MAST4: variants seen among roughly 807,000 people sequenced by gnomAD.
The protein encoded by MAST4 is microtubule associated serine/threonine kinase family member 4, also known as microtubule-associated serine/threonine-protein kinase 4.
Under a neutral mutation model 162.7 loss-of-function variants are expected in MAST4, and 89 were observed. The observed-to-expected ratio is 0.55, with a 90% CI of 0.46 to 0.65. The LOEUF (loss-of-function observed/expected upper bound fraction) is 0.65. Among genes scored for constraint, MAST4 ranks in the 30% least tolerant of loss-of-function variants. MAST4 has a pLI of 0.00. For synonymous variants in MAST4, 1,479 were observed against 1,361.1 expected (o/e 1.09, Z -1.91); for missense variants, 3,153 against 3,374.0 (o/e 0.93, Z 1.62).
At chr5:66,846,736 G>C (rs985233140) in intron 3 of MAST4, among the ~76,000 whole-genome samples, 1 of 152,160 alleles carries the variant, frequency 6.6e-6, no homozygotes, top group Non-Finnish European at 1.5e-5. Context: ...GCCAGAAAAA[G>C]GAGATTTAAA....
At position 66,747,878 on chromosome 5, in the gene MAST4, C is replaced by T. The variant is rs117989574; in HGVS notation, c.364-11831C>T. Among the ~76,000 whole-genome samples, 86 of 152,290 alleles carry T rather than the reference C, an allele frequency of 5.6e-4. No individual in the cohort carries two copies. The East Asian group carries it at 0.014, about 25-fold the overall frequency. Reference sequence around the variant, plus strand: ...CCAAAAATGGGTTCAGATACTGCCCCATGTCTTCTGAAGGGTGAGGGGGTG... The same window carrying T: ...CCAAAAATGGGTTCAGATACTGCCCTATGTCTTCTGAAGGGTGAGGGGGTG... On this transcript the variant is annotated intron_variant, in intron 1 of 28. Transcript: ENST00000403625.
chr5:66,871,906 A>C (rs899713100), intron 3 of MAST4, among the ~76,000 whole-genome samples: 1 of 152,124 alleles, frequency 6.6e-6, no homozygotes, highest in Non-Finnish European at 1.5e-5. Flanking sequence ...AAGGGTGGAA[A>C]ATTTTGCCAA....
chr5:66,734,776 C>T (rs1305333127), intron 1 of MAST4, among the ~76,000 whole-genome samples: 1 of 152,152 alleles, frequency 6.6e-6, no homozygotes, highest in Non-Finnish European at 1.5e-5. Context: ...TGGTTGGTGG[C>T]CACTGTATTG....
intron 5 of MAST4, among the ~76,000 whole-genome samples, chr5:67,066,812 G>T (rs1262065731): frequency 6.6e-6 from 1 of 152,110 alleles, no homozygotes; most frequent in East Asian, 1.9e-4. Context: ...TCCTTACTTA[G>T]ATTTTTGAGG....
intron 2 of MAST4, among the ~76,000 whole-genome samples, chr5:66,782,281 C>T (rs1287453062): frequency 7.2e-6 from 1 of 138,646 alleles, no homozygotes; most frequent in African/African-American, 2.6e-5. Flanking sequence ...AAGAGCGAGA[C>T]TTCGTCTCAA....
At chr5:67,085,319 C>T (rs1345456587) in intron 5 of MAST4, among the ~76,000 whole-genome samples, 1 of 152,164 alleles carries the variant, frequency 6.6e-6, no homozygotes, top group Admixed American at 6.5e-5. Flanking sequence ...TCTCTCTTAC[C>T]TTGTCTGTGC....
At chr5:66,981,706 G>C (rs1057241827) in intron 4 of MAST4, among the ~76,000 whole-genome samples, 7 of 152,128 alleles carry the variant, frequency 4.6e-5, no homozygotes, top group African/African-American at 1.7e-4. Flanking sequence ...GCAGACTAGG[G>C]CCAAGCTTAT....
chr5:66,825,644 G>A (rs1031707401), intron 3 of MAST4, among the ~76,000 whole-genome samples: 1 of 151,982 alleles, frequency 6.6e-6, no homozygotes, highest in African/African-American at 2.4e-5. Flanking sequence ...CCATTTAATT[G>A]CAATAATTCT....
intron 1 of MAST4, chr5:66,623,177 T>C (rs1276045663): frequency 1.3e-5 from 2 of 152,296 alleles, no homozygotes; most frequent in Admixed American, 1.3e-4. Flanking sequence ...TGGGCTGACA[T>C]CTGTAGCTAC....
intron 1 of MAST4, among the ~76,000 whole-genome samples, chr5:66,757,186 C>T (rs1199047908): frequency 6.6e-6 from 1 of 152,028 alleles, no homozygotes; most frequent in African/African-American, 2.4e-5. Flanking sequence ...ATTCTACAAG[C>T]TGAAAAAATT....
intron 11 of MAST4, among the ~76,000 whole-genome samples, chr5:67,113,262 C>T (rs987648903): frequency 2.9e-5 from 4 of 135,686 alleles, no homozygotes; most frequent in Middle Eastern, 4.1e-3. Context: ...TGCAGTGAGC[C>T]GAGATCGCAC....
chr5:66,916,032 C>A (rs37566), intron 4 of MAST4, among the ~76,000 whole-genome samples: 2 of 151,960 alleles, frequency 1.3e-5, no homozygotes, highest in Admixed American at 6.5e-5. Flanking sequence ...TCTTGCAATG[C>A]GGCTAGGCCA....
chr5:67,115,788 T>C (rs1207508997), intron 12 of MAST4, among the ~76,000 whole-genome samples: 1 of 152,236 alleles, frequency 6.6e-6, no homozygotes, highest in Non-Finnish European at 1.5e-5. Context: ...TCCATTCCAT[T>C]ACTACCCACT....
intron 3 of MAST4, among the ~76,000 whole-genome samples, chr5:66,875,543 G>T (rs1761236183): frequency 1.3e-5 from 2 of 152,172 alleles, no homozygotes; most frequent in African/African-American, 4.8e-5. Context: ...TTATTTTGAA[G>T]ATTAAATGAG....
chr5:67,003,418 A>T (rs1751513610), intron 4 of MAST4, among the ~76,000 whole-genome samples: 1 of 152,164 alleles, frequency 6.6e-6, no homozygotes, highest in Admixed American at 6.5e-5. Flanking sequence ...TAGATAAAGA[A>T]GATCCCACAG....
chr5:67,149,172 G>A (rs1283656911), intron 23 of MAST4, among the ~76,000 whole-genome samples: 2 of 152,126 alleles, frequency 1.3e-5, no homozygotes, highest in Non-Finnish European at 2.9e-5. Context: ...GTAGAATGAA[G>A]CCTGAATAGA....
At chr5:66,603,286 G>A (rs1043551049) in intron 1 of MAST4, among the ~76,000 whole-genome samples, 8 of 152,160 alleles carry the variant, frequency 5.3e-5, no homozygotes, top group Admixed American at 2.0e-4. Context: ...TTAAGACACC[G>A]TTTCTCTTTT....
intron 2 of MAST4, among the ~76,000 whole-genome samples, chr5:66,777,817 G>A (rs1754673741): frequency 6.6e-6 from 1 of 151,914 alleles, no homozygotes; most frequent in Non-Finnish European, 1.5e-5. Context: ...AGGATGAGGA[G>A]GAAGACAGAG....
At chr5:66,960,588 C>A (rs969844818) in intron 4 of MAST4, among the ~76,000 whole-genome samples, 1 of 152,102 alleles carries the variant, frequency 6.6e-6, no homozygotes, top group African/African-American at 2.4e-5. Context: ...CATAACTAAG[C>A]CATAGCTCTG....
Sources: gnomAD v4.1 joint callset for allele counts (sites outside exome capture counted in the v4.1 genomes callset) on GRCh38, gnomAD v4.1.1 for gene constraint, MANE v1.5 for transcripts, NCBI Gene and HGNC (gene_info 2026-07-23, HGNC 2026-07-21) for gene names.